The following CNIH3 variants were observed in gnomAD, a reference collection of about 807,000 sequenced individuals.
CNIH3 encodes the protein cornichon family AMPA receptor auxiliary protein 3.
A neutral mutation model predicts 24.1 loss-of-function variants in CNIH3; 14 were observed. The observed-to-expected ratio is 0.58, with a 90% CI of 0.38 to 0.91. CNIH3 has a LOEUF of 0.91. Among genes scored for constraint, CNIH3 ranks in the 40% least tolerant of loss-of-function variants. The pLI is 0.00. For missense variants in CNIH3, 178 were observed against 196.8 expected (o/e 0.90, Z 0.57); for synonymous variants, 68 against 73.8 (o/e 0.92, Z 0.40).
intron 1 of CNIH3, among the ~76,000 whole-genome samples, chr1:224,440,622 C>T (rs761424765): frequency 6.6e-6 from 1 of 152,148 alleles, no homozygotes; most frequent in East Asian, 1.9e-4. Context: ...TGTTACAAAA[C>T]AGTGTGCATA....
At chr1:224,701,224 C>T (rs546349061) in intron 3 of CNIH3, among the ~76,000 whole-genome samples, 82 of 147,390 alleles carry the variant, frequency 5.6e-4, no homozygotes, top group Non-Finnish European at 9.4e-4. Context: ...CTGGAGGAGG[C>T]GAGGTTAGCT....
intron 2 of CNIH3, among the ~76,000 whole-genome samples, chr1:224,534,025 C>A (rs1348878850): frequency 6.6e-6 from 1 of 152,082 alleles, no homozygotes; most frequent in African/African-American, 2.4e-5. Context: ...ATTAGGTGGG[C>A]ATGGTGGCAC....
chr1:224,624,221 C>T (rs1683411240), intron 1 of CNIH3, among the ~76,000 whole-genome samples: 1 of 152,228 alleles, frequency 6.6e-6, no homozygotes, highest in Non-Finnish European at 1.5e-5. Context: ...CCATTTAGTG[C>T]TTATCTTGGC....
chr1:224,462,949 G>A (rs1675987691), intron 1 of CNIH3, among the ~76,000 whole-genome samples: 1 of 140,182 alleles, frequency 7.1e-6, no homozygotes, highest in African/African-American at 2.7e-5. Context: ...TCACCAGGCT[G>A]GAGTGCAGTG....
intron 1 of CNIH3, among the ~76,000 whole-genome samples, chr1:224,466,635 G>A (rs1676163137): frequency 6.6e-6 from 1 of 152,114 alleles, no homozygotes; most frequent in Admixed American, 6.5e-5. Context: ...GCAATTGCTG[G>A]GTTGTATGGT....
chr1:224,489,565 T>C (rs1227270717), intron 1 of CNIH3, among the ~76,000 whole-genome samples: 1 of 152,224 alleles, frequency 6.6e-6, no homozygotes, highest in African/African-American at 2.4e-5. Context: ...CTACCTACTT[T>C]CGGTTGCTCT....
intron 2 of CNIH3, among the ~76,000 whole-genome samples, chr1:224,533,397 A>G (rs2124934744): frequency 6.6e-6 from 1 of 152,118 alleles, no homozygotes; most frequent in Middle Eastern, 3.4e-3. Flanking sequence ...CAAAAAAAAA[A>G]AAAAAAAATC....
intron 1 of CNIH3, among the ~76,000 whole-genome samples, chr1:224,507,687 G>A (rs894859334): frequency 3.3e-5 from 5 of 152,206 alleles, no homozygotes; most frequent in Non-Finnish European, 7.3e-5. Flanking sequence ...GGGGTACCTG[G>A]TGTCTTGTCC....
chr1:224,602,121 C>T (rs1682234285), intron 3 of CNIH3, among the ~76,000 whole-genome samples: 1 of 152,192 alleles, frequency 6.6e-6, no homozygotes, highest in Non-Finnish European at 1.5e-5. Flanking sequence ...TTATTAAATG[C>T]TTTTATGTGA....
chr1:224,531,469 G>T (rs1679067471), intron 2 of CNIH3, among the ~76,000 whole-genome samples: 1 of 152,250 alleles, frequency 6.6e-6, no homozygotes, highest in African/African-American at 2.4e-5. Flanking sequence ...TTAAAGCTGA[G>T]TGTGGAATTA....
intron 3 of CNIH3, among the ~76,000 whole-genome samples, chr1:224,599,062 T>C (rs865893174): frequency 6.6e-5 from 10 of 152,330 alleles, no homozygotes; most frequent in South Asian, 2.1e-4. Context: ...GTATGCTTAA[T>C]ATAGACATTA....
At chr1:224,639,951 A>C (rs1424645277) in intron 1 of CNIH3, among the ~76,000 whole-genome samples, 2 of 152,122 alleles carry the variant, frequency 1.3e-5, no homozygotes, top group African/African-American at 4.8e-5. Flanking sequence ...CCATGTATTG[A>C]GTTATGATTT....
intron 1 of CNIH3, among the ~76,000 whole-genome samples, chr1:224,469,111 T>C (rs948359094): frequency 3.9e-5 from 6 of 152,136 alleles, no homozygotes; most frequent in African/African-American, 1.4e-4. Flanking sequence ...GACAGGGTCT[T>C]GTTCTGTCAC....
rs189108386 is a variant in CNIH3, at chr1:224,481,570, G to C, written n.204-34171G>C. Among the ~76,000 whole-genome samples, 567 of 152,268 alleles carry C rather than the reference G, an allele frequency of 3.7e-3. 4 individuals carry two copies. The highest frequency in any genetic ancestry group is 0.013 in the African/African-American group (534 of 41,538). Reference sequence around the variant, plus strand: ...GAAGAATTCTCTAGATTACCAGGTAGAGACTCTTCTTCTCTTCCCTTAAAT... The same window carrying C: ...GAAGAATTCTCTAGATTACCAGGTACAGACTCTTCTTCTCTTCCCTTAAAT... On this transcript the variant is annotated intron_variant and non_coding_transcript_variant, in intron 1 of 5. Transcript: ENST00000471578.
chr1:224,529,918 T>A (rs1362052724), intron 2 of CNIH3, among the ~76,000 whole-genome samples: 3 of 152,204 alleles, frequency 2.0e-5, no homozygotes, highest in Non-Finnish European at 4.4e-5. Flanking sequence ...GATGTAGGCA[T>A]GGGAACCAAG....
intron 1 of CNIH3, among the ~76,000 whole-genome samples, chr1:224,637,899 C>T (rs906094131): frequency 6.6e-6 from 1 of 152,224 alleles, no homozygotes; most frequent in Non-Finnish European, 1.5e-5. Flanking sequence ...CCCTCTCTGC[C>T]AGTGGCACCT....
At chr1:224,486,987 T>G (rs949331424) in intron 1 of CNIH3, among the ~76,000 whole-genome samples, 3 of 152,220 alleles carry the variant, frequency 2.0e-5, no homozygotes, top group Non-Finnish European at 4.4e-5. Flanking sequence ...AAAGAGCCAG[T>G]GACAGATCTA....
At chr1:224,454,340 C>A in intron 1 of CNIH3, 3 of 977,206 alleles carry the variant, frequency 3.1e-6, no homozygotes, top group Non-Finnish European at 3.6e-6. Flanking sequence ...AGCTAGGAGG[C>A]TTGGTAAGGT....
chr1:224,466,750 A>C (rs1157646665), intron 1 of CNIH3, among the ~76,000 whole-genome samples: 1 of 152,116 alleles, frequency 6.6e-6, no homozygotes, highest in Non-Finnish European at 1.5e-5. Flanking sequence ...TTTTTCCCAT[A>C]TCCTTGCCAG....
Sources: gnomAD v4.1 joint callset for allele counts (sites outside exome capture counted in the v4.1 genomes callset) on GRCh38, gnomAD v4.1.1 for gene constraint, MANE v1.5 for transcripts, NCBI Gene and HGNC (gene_info 2026-07-23, HGNC 2026-07-21) for gene names.